MYT1: variants seen among roughly 807,000 people sequenced by gnomAD.
The protein encoded by MYT1 is myelin transcription factor 1.
In MYT1, 23 loss-of-function variants were observed where a neutral mutation model predicts 123.0. The ratio of observed to expected loss-of-function variants is 0.19; its 90% CI spans 0.13 to 0.26. The LOEUF (loss-of-function observed/expected upper bound fraction) is 0.26, where lower values mean the gene tolerates loss of function less well. Among genes scored for constraint, MYT1 ranks in the 10% least tolerant of loss-of-function variants. The probability of loss-of-function intolerance (pLI) is 1.00; values close to 1 mark genes in which losing one functional copy is unlikely to be tolerated. For missense variants in MYT1, 1,125 were observed against 1,472.5 expected, an observed-to-expected ratio of 0.76 and a Z score of 3.86; for synonymous variants, 518 against 575.3, an observed-to-expected ratio of 0.90 and a Z score of 1.43.
intron 19 of MYT1, among the ~76,000 whole-genome samples, chr20:64,236,147 C>T (rs1311457778): frequency 3.2e-4 from 9 of 27,870 alleles, no homozygotes; most frequent in African/African-American, 4.8e-4. Context: ...GGGATGGTCG[C>T]GGTGGGTGAC....
At position 64,207,719 on chromosome 20, in the gene MYT1, G is replaced by A. The variant is rs962645193; in HGVS notation, c.523G>A (p.Ala175Thr). 1.2e-6 allele frequency: 2 copies of A among 1,613,952 alleles called. No homozygotes were observed. Among genetic ancestry groups the A allele is most frequent in the Admixed American group, 1.7e-5 (1 of 60,006 alleles). ...TTCTCTCCTGAACTTGGGTCAAATT[G>A]CTGAAGAGACCCTGGTGGAAGAGGA... The part of the protein sequence containing the change: ...ATSLLNLGQI[A>T]EETLVEEDLG... The change falls in exon 7 of 23, where the codon GCT (alanine) becomes ACT (threonine). Residue 175 changes from alanine to threonine, a missense_variant. Transcript: ENST00000328439.
chr20:64,234,730 T>TGGGCTGGCCGTGGTGTGTGACCCG (rs1984447546), intron 19 of MYT1, among the ~76,000 whole-genome samples: 1 of 96,440 alleles, frequency 1.0e-5, no homozygotes, highest in Non-Finnish European at 1.9e-5. Context: ...TGAGTGACCC[T>TGGGCTGGCCGTGGTGTGTGACCCG]GGGCTGGCCG....
At chr20:64,234,171 A>G (rs929685203) in intron 19 of MYT1, among the ~76,000 whole-genome samples, 3 of 152,206 alleles carry the variant, frequency 2.0e-5, no homozygotes, top group Non-Finnish European at 2.9e-5. Flanking sequence ...TTCATAAATG[A>G]AATCATGCTT....
chr20:64,170,866 TATATATATATATATATATAG>T (rs1353688846), intron 1 of MYT1, among the ~76,000 whole-genome samples: 1 of 57,124 alleles, frequency 1.8e-5, no homozygotes, highest in Non-Finnish European at 3.2e-5. Flanking sequence ...TATATATATA[TATATATATATATATATATAG>T]AGAGAGAGAG....
rs913482048 is a variant in MYT1, at chr20:64,222,136, G to T, written c.2396+89G>T. On this transcript the variant is annotated intron_variant, in intron 14 of 22. Coordinates refer to ENST00000328439, the MANE Select transcript of MYT1 (RefSeq NM_004535.3). Reference sequence around the variant, plus strand: ...CCTGGTCCCAACCCATGACGACCGGGTCTGCTCAGGCTTTCCCCGACCTGT... The same window carrying T: ...CCTGGTCCCAACCCATGACGACCGGTTCTGCTCAGGCTTTCCCCGACCTGT... The T allele has an allele frequency of 9.5e-6, 14 of 1,474,478 alleles. No homozygotes were observed. The African/African-American group carries it at 1.8e-4, about 19-fold the overall frequency. The allele number at this position is 1,474,478 out of a possible 1,614,324, so 91.3% of individuals were successfully genotyped here. A position where few individuals can be genotyped will look rare whatever the true frequency, so the allele number is the denominator to read the frequency against.
intron 1 of MYT1, among the ~76,000 whole-genome samples, chr20:64,170,168 C>A (rs930848947): frequency 2.0e-5 from 3 of 152,224 alleles, no homozygotes; most frequent in Middle Eastern, 3.2e-3. Context: ...TATCTCCCTT[C>A]ATCTCCTGCA....
chr20:64,170,884 T>TATAG (rs1569303821), intron 1 of MYT1, among the ~76,000 whole-genome samples: 25 of 20,002 alleles, frequency 1.2e-3, no homozygotes, highest in East Asian at 2.5e-3. Flanking sequence ...TATATATATA[T>TATAG]AGAGAGAGAG....
Position 64,208,607 on chromosome 20 carries a change from A to C in MYT1, c.1291+120A>C. Reference sequence around the variant, plus strand: ...GCTGGGGGATGGCAGAAAAGCAGACAAAAGGACAAATACATGACACAGACT... The same window carrying C: ...GCTGGGGGATGGCAGAAAAGCAGACCAAAGGACAAATACATGACACAGACT... On this transcript the variant is annotated intron_variant, in intron 7 of 22. Coordinates refer to ENST00000328439, the MANE Select transcript of MYT1 (RefSeq NM_004535.3). This position sits in a 1 kb window ranked among gnomAD's most constrained non-coding sequence, Gnocchi z 5.4. 1.4e-6 allele frequency: 2 copies of C among 1,431,492 alleles called. No homozygotes were observed. The highest frequency in any genetic ancestry group is 1.8e-6 in the Non-Finnish European group (2 of 1,087,848). 88.7% of individuals were successfully genotyped at this position (1,431,492 alleles called of 1,614,324 possible).
At chr20:64,224,764 T>C (rs1984118769) in intron 16 of MYT1, among the ~76,000 whole-genome samples, 1 of 152,200 alleles carries the variant, frequency 6.6e-6, no homozygotes, top group African/African-American at 2.4e-5. Flanking sequence ...TCTGCTTTCT[T>C]TTCCGTGATT....
chr20:64,207,706 C>G lies in MYT1; in HGVS notation c.510C>G (p.Asn170Lys), dbSNP rs1983526858. 6.2e-7 allele frequency: 1 copy of G among 1,614,078 alleles called. No homozygotes were observed. The highest frequency in any genetic ancestry group is 2.2e-5 in the East Asian group (1 of 44,876). ...YQGIIATSLL[N>K]LGQIAEETLV... ...GAATCATCGCAACTTCTCTCCTGAA[C>G]TTGGGTCAAATTGCTGAAGAGACCC... Residue 170 changes from asparagine (N) to lysine (K), a missense_variant, in exon 7 of 23, where the codon AAC becomes AAG. Transcript: ENST00000328439.
intron 18 of MYT1, among the ~76,000 whole-genome samples, chr20:64,229,150 TA>T: frequency 6.6e-6 from 1 of 152,388 alleles, no homozygotes; most frequent in South Asian, 2.1e-4. Context: ...ATTTAATTTT[TA>T]CAATAAAACT....
intron 13 of MYT1, among the ~76,000 whole-genome samples, chr20:64,220,827 CTA>C (rs1983980060): frequency 1.6e-5 from 1 of 61,668 alleles, no homozygotes; most frequent in Non-Finnish European, 3.7e-5. Context: ...GATCAGGCCC[CTA>C]TGAAGGGTAG....
Position 64,186,579 on chromosome 20 carries a change from G to A in MYT1, c.-98-3484G>A, listed in dbSNP as rs997784517. ...CAAATAATTCTTCCCCTCCCACTTT[G>A]TGGGTGAAGGACTTAAGTCTCAGAG... On this transcript the variant is annotated intron_variant, in intron 1 of 22. Coordinates refer to ENST00000328439, the MANE Select transcript of MYT1 (RefSeq NM_004535.3). This position sits in a 1 kb window ranked among gnomAD's most constrained non-coding sequence, Gnocchi z 4.3. Among the ~76,000 whole-genome samples, 1 of 152,256 alleles carries A rather than the reference G, an allele frequency of 6.6e-6. No individual in the cohort carries two copies. The highest frequency in any genetic ancestry group is 1.5e-5 in the Non-Finnish European group (1 of 68,044).
In MYT1 at chr20:64,190,364, A is replaced by G. The variant is rs1006714995; in HGVS notation, c.-1+204A>G. On this transcript the variant is annotated intron_variant, in intron 2 of 22. Transcript: ENST00000328439. The surrounding 1 kb of genome is among the most constrained non-coding windows in gnomAD (Gnocchi z 4.1). ...AATTAAGGGAAGAAAAATGACTCTGAGTAGATCAAAACTAAAATGTGACCC... is the reference window on the plus strand; with the variant it reads ...AATTAAGGGAAGAAAAATGACTCTGGGTAGATCAAAACTAAAATGTGACCC... Among the ~76,000 whole-genome samples, 2 of 152,242 alleles carry G rather than the reference A, an allele frequency of 1.3e-5. No individual in the cohort carries two copies. The highest frequency in any genetic ancestry group is 6.5e-5 in the Admixed American group (1 of 15,288).
chr20:64,179,905 G>C (rs895739000), intron 1 of MYT1, among the ~76,000 whole-genome samples: 1 of 148,326 alleles, frequency 6.7e-6, no homozygotes, highest in Non-Finnish European at 1.5e-5. Context: ...ACAGTTACAT[G>C]CATGCTCTAT....
At chr20:64,172,287 C>A (rs923038700) in intron 1 of MYT1, among the ~76,000 whole-genome samples, 23 of 152,180 alleles carry the variant, frequency 1.5e-4, no homozygotes, top group Non-Finnish European at 2.1e-4. Context: ...CTTACCCTAC[C>A]CAAGCAGGGA....
At chr20:64,180,377 G>C (rs58326483) in intron 1 of MYT1, among the ~76,000 whole-genome samples, 1 of 152,162 alleles carries the variant, frequency 6.6e-6, no homozygotes, top group African/African-American at 2.4e-5. Flanking sequence ...TAGGCATAAC[G>C]TCCTCTTCCA....
chr20:64,198,545 G>A (rs1012755181), intron 2 of MYT1, among the ~76,000 whole-genome samples: 37 of 152,162 alleles, frequency 2.4e-4, no homozygotes, highest in Non-Finnish European at 4.3e-4. Context: ...CTTCAGTGGC[G>A]CAGGGCCCAT....
Position 64,166,038 on chromosome 20 carries a change from A to C in MYT1, c.-99+1299A>C, listed in dbSNP as rs1982070358. Among the ~76,000 whole-genome samples, 1 of 152,088 alleles carries C rather than the reference A, an allele frequency of 6.6e-6. No homozygotes were observed. The highest frequency in any genetic ancestry group is 1.5e-5 in the Non-Finnish European group (1 of 67,992). ...GGAGTGGGGGTGCTGTATCCTCTACAGGGCTGACTGAGGGAGGCTCCCCTC... is the reference window on the plus strand; with the variant it reads ...GGAGTGGGGGTGCTGTATCCTCTACCGGGCTGACTGAGGGAGGCTCCCCTC... On this transcript the variant is annotated intron_variant, in intron 1 of 22. Coordinates refer to ENST00000328439, the MANE Select transcript of MYT1 (RefSeq NM_004535.3). This position sits in a 1 kb window ranked among gnomAD's most constrained non-coding sequence, Gnocchi z 4.9.
Sources: allele counts gnomAD v4.1 joint callset (sites outside exome capture counted in the v4.1 genomes callset), GRCh38; gene constraint gnomAD v4.1.1; non-coding constraint Gnocchi (gnomAD v3.1); transcripts MANE v1.5; gene names NCBI Gene and HGNC (gene_info 2026-07-23, HGNC 2026-07-21).